NTNG1: variants seen among roughly 807,000 people sequenced by gnomAD.
NTNG1 encodes netrin G1, also known as netrin-G1.
NTNG1 carries 16 observed loss-of-function variants against 54.0 expected under a neutral mutation model. The ratio of observed to expected loss-of-function variants is 0.30; its 90% CI spans 0.20 to 0.45. NTNG1 has a LOEUF of 0.45. Among genes scored for constraint, NTNG1 ranks in the 20% least tolerant of loss-of-function variants. The probability of loss-of-function intolerance (pLI) is 1.00; values close to 1 mark genes in which losing one functional copy is unlikely to be tolerated. For missense variants in NTNG1, 530 were observed against 678.7 expected, an observed-to-expected ratio of 0.78 and a Z score of 2.43; for synonymous variants, 255 against 263.1, an observed-to-expected ratio of 0.97 and a Z score of 0.30.
intron 2 of NTNG1, among the ~76,000 whole-genome samples, chr1:107,190,510 T>C (rs1310528250): frequency 1.3e-5 from 2 of 152,120 alleles, no homozygotes; most frequent in East Asian, 3.9e-4. Flanking sequence ...ATGTGCCATG[T>C]TGGTGTGCTG....
chr1:107,403,300 A>G lies in NTNG1; in HGVS notation c.1061-4382A>G, dbSNP rs577702286. 9.2e-5 allele frequency among the ~76,000 whole-genome samples: 14 copies of G among 152,298 alleles called. No homozygotes were observed. The East Asian group carries it at 2.5e-3, about 27-fold the overall frequency. On this transcript the variant is annotated intron_variant, in intron 4 of 7. Transcript: ENST00000370068. ...TCTCATTTTTTCAGCGTATGGTAGCATAATAGCCCTTTAGCTTACTCAACA... is the reference window on the plus strand; with the variant it reads ...TCTCATTTTTTCAGCGTATGGTAGCGTAATAGCCCTTTAGCTTACTCAACA...
chr1:107,380,208 A>G (rs917817584), intron 3 of NTNG1, among the ~76,000 whole-genome samples: 5 of 152,158 alleles, frequency 3.3e-5, no homozygotes, highest in Non-Finnish European at 5.9e-5. Flanking sequence ...TTTCCATCAA[A>G]TGATTTTTGA....
chr1:107,199,184 T>G (rs1658547141), intron 2 of NTNG1, among the ~76,000 whole-genome samples: 1 of 151,882 alleles, frequency 6.6e-6, no homozygotes, highest in Non-Finnish European at 1.5e-5. Context: ...TATATATCAT[T>G]TTATGATTTT....
At chr1:107,436,411 C>A (rs920127755) in intron 6 of NTNG1, among the ~76,000 whole-genome samples, 1 of 152,196 alleles carries the variant, frequency 6.6e-6, no homozygotes, top group Admixed American at 6.5e-5. Context: ...CCATTACGAT[C>A]TGTTACCAGT....
At chr1:107,398,369 G>A (rs952178564) in intron 4 of NTNG1, among the ~76,000 whole-genome samples, 3 of 152,110 alleles carry the variant, frequency 2.0e-5, no homozygotes, top group Non-Finnish European at 4.4e-5. Context: ...TTAAGTCAGG[G>A]AATGACAATA....
chr1:107,342,336 T>C (rs891845441), intron 3 of NTNG1, among the ~76,000 whole-genome samples: 2 of 152,086 alleles, frequency 1.3e-5, no homozygotes, highest in South Asian at 2.1e-4. Context: ...GGCATTACCA[T>C]AATCATAAGA....
chr1:107,244,297 C>G (rs1357104970), intron 2 of NTNG1, among the ~76,000 whole-genome samples: 4 of 152,120 alleles, frequency 2.6e-5, no homozygotes, highest in African/African-American at 9.7e-5. Flanking sequence ...ATTTATTTTT[C>G]TCTTATGCTG....
Position 107,141,727 on chromosome 1 carries a change from T to C in NTNG1, c.-526+587T>C, listed in dbSNP as rs1368657739. On this transcript the variant is annotated intron_variant, in intron 1 of 7. Transcript: ENST00000370068. ...CCCGGGCCGGTGATGCGTCCTCTTG[T>C]TGTGTCCGGAGCCCAGGCGTGGGGT... Among the ~76,000 whole-genome samples the C allele has an allele frequency of 3.3e-5, 5 of 152,156 alleles. No individual in the cohort carries two copies. In the East Asian group the frequency reaches 7.8e-4, roughly 24 times the overall value.
chr1:107,153,985 G>A (rs558680250), intron 2 of NTNG1, among the ~76,000 whole-genome samples: 1 of 152,286 alleles, frequency 6.6e-6, no homozygotes, highest in East Asian at 1.9e-4. Flanking sequence ...TTGAGCTAAT[G>A]CCTCACAAAC....
rs763712045 is a variant in NTNG1, at chr1:107,480,606, T to C, written c.1391-5T>C. 1 of 707,444 alleles carries C rather than the reference T, an allele frequency of 1.4e-6. No homozygotes were observed. Among genetic ancestry groups the C allele is most frequent in the Non-Finnish European group, 2.2e-6 (1 of 453,918 alleles). The allele number at this position is 707,444 out of a possible 1,614,324, so 43.8% of individuals were successfully genotyped here. The stretch of plus-strand genomic sequence containing the variant: ...CCCACCCCTACCTTCCCCCTCATTC[T>C]GCAGCGAATGTCTGCGACAACGAGC... On this transcript the variant is annotated splice_region_variant and splice_polypyrimidine_tract_variant and intron_variant, in intron 7 of 7. Coordinates refer to ENST00000370068, the MANE Select transcript of NTNG1 (RefSeq NM_001113226.3).
At chr1:107,316,009 G>A (rs1667317178) in intron 2 of NTNG1, among the ~76,000 whole-genome samples, 1 of 152,178 alleles carries the variant, frequency 6.6e-6, no homozygotes, top group Non-Finnish European at 1.5e-5. Flanking sequence ...GGAAAGCCAT[G>A]AAAATTAAGA....
intron 2 of NTNG1, among the ~76,000 whole-genome samples, chr1:107,171,886 AT>A (rs906265813): frequency 5.9e-5 from 4 of 67,618 alleles, no homozygotes; most frequent in Non-Finnish European, 1.5e-4. Context: ...AACAGCCTGG[AT>A]TTTTTCCCCT....
intron 3 of NTNG1, among the ~76,000 whole-genome samples, chr1:107,360,759 G>A (rs554798542): frequency 2.0e-5 from 3 of 152,234 alleles, no homozygotes; most frequent in Non-Finnish European, 4.4e-5. Flanking sequence ...CCTATGCTAA[G>A]CCCTGTTTAG....
In NTNG1 at chr1:107,245,927, G is replaced by A. The variant is rs529194847; in HGVS notation, c.247-78355G>A. Among the ~76,000 whole-genome samples the A allele has an allele frequency of 3.3e-5, 5 of 152,280 alleles. No individual in the cohort carries two copies. In the East Asian group the frequency reaches 9.6e-4, roughly 29 times the overall value. On this transcript the variant is annotated intron_variant, in intron 2 of 7. Transcript: ENST00000370068. ...ATACTAGGTGGTCAATAAATGATAT[G>A]TATCCTTGTAATTCTCTTATTAAAA...
chr1:107,222,587 C>T (rs1275373684), intron 2 of NTNG1, among the ~76,000 whole-genome samples: 3 of 152,106 alleles, frequency 2.0e-5, no homozygotes, highest in African/African-American at 7.2e-5. Context: ...GAGTGCTCCA[C>T]AGCAGCACAC....
intron 3 of NTNG1, among the ~76,000 whole-genome samples, chr1:107,371,009 ACAGT>A (rs1225976371): frequency 6.6e-6 from 1 of 152,100 alleles, no homozygotes; most frequent in Non-Finnish European, 1.5e-5. Context: ...TTTTACACAG[ACAGT>A]CAGAAGTGGT....
At chr1:107,469,097 C>CAAA (rs35394442) in intron 7 of NTNG1, among the ~76,000 whole-genome samples, 2,192 of 115,528 alleles carry the variant, frequency 0.019, 88 homozygotes, top group African/African-American at 0.07. Context: ...AACTCCATTT[C>CAAA]AAAAAAAAAA....
chr1:107,221,338 C>T (rs1326937551), intron 2 of NTNG1, among the ~76,000 whole-genome samples: 1 of 152,140 alleles, frequency 6.6e-6, no homozygotes, highest in Non-Finnish European at 1.5e-5. Flanking sequence ...GGCAAGGAAA[C>T]ATTTGTTTAA....
At chr1:107,377,321 T>G (rs1218423350) in intron 3 of NTNG1, among the ~76,000 whole-genome samples, 1 of 151,860 alleles carries the variant, frequency 6.6e-6, no homozygotes, top group Non-Finnish European at 1.5e-5. Context: ...ACCTCCAAGC[T>G]CCCCACTGCC....
Sources: gnomAD v4.1 joint callset for allele counts (sites outside exome capture counted in the v4.1 genomes callset) on GRCh38, gnomAD v4.1.1 for gene constraint, MANE v1.5 for transcripts, NCBI Gene and HGNC (gene_info 2026-07-23, HGNC 2026-07-21) for gene names.